FBXO34: variants seen among roughly 807,000 people sequenced by gnomAD.
FBXO34 encodes the protein F-box protein 34.
A neutral mutation model predicts 24.5 loss-of-function variants in FBXO34; 12 were observed. That is an observed-to-expected ratio of 0.49 (90% CI 0.31 to 0.79). The LOEUF is 0.79. Among genes scored for constraint, FBXO34 ranks in the 30% least tolerant of loss-of-function variants. The pLI is 0.04. For missense variants in FBXO34, 823 were observed against 857.7 expected (o/e 0.96, Z 0.51); for synonymous variants, 320 against 311.9 (o/e 1.03, Z -0.27).
the FBXO34 span, among the ~76,000 whole-genome samples, chr14:55,399,109 A>G: frequency 2.0e-5 from 3 of 152,230 alleles, no homozygotes; most frequent in Non-Finnish European, 4.4e-5. Flanking sequence ...ACATACCCCA[A>G]GATGTCTGCT....
At chr14:55,357,352 A>G (rs911394572), downstream of FBXO34, among the ~76,000 whole-genome samples, 4 of 152,234 alleles carry the variant, frequency 2.6e-5, no homozygotes, top group African/African-American at 9.6e-5. Context: ...ATGTTCCTCT[A>G]TCTGCAAAGC....
At chr14:55,395,251 C>T in the FBXO34 span, 45 of 349,510 alleles carry the variant, frequency 1.3e-4, no homozygotes, top group East Asian at 1.6e-3. Context: ...GCAGGGAAGG[C>T]GTGTGCCAAG....
At chr14:55,440,552 G>C in the FBXO34 span, 5 of 1,586,552 alleles carry the variant, frequency 3.2e-6, no homozygotes, top group Non-Finnish European at 3.4e-6. Context: ...CCATTTATGA[G>C]CCTGGGGGCA....
intron 1 of FBXO34, among the ~76,000 whole-genome samples, chr14:55,343,020 A>G (rs72717715): frequency 0.025 from 3,850 of 152,180 alleles, 120 homozygotes; most frequent in African/African-American, 0.067. Flanking sequence ...CTCATTTGTA[A>G]AAACAAGGAT....
At chr14:55,418,389 GT>G in the FBXO34 span, among the ~76,000 whole-genome samples, 3 of 152,178 alleles carry the variant, frequency 2.0e-5, no homozygotes, top group Non-Finnish European at 4.4e-5. Context: ...TTCCAGTTCT[GT>G]TCTTACATCA....
intron 1 of FBXO34, among the ~76,000 whole-genome samples, chr14:55,323,218 A>AAAAATATAT (rs1566555819): frequency 3.2e-5 from 1 of 31,628 alleles, no homozygotes; most frequent in Non-Finnish European, 4.2e-5. Flanking sequence ...AAAAAAAAAA[A>AAAAATATAT]ATATATATTT....
chr14:55,298,725 G>T, intron 1 of FBXO34: 1 of 1,570,894 alleles, frequency 6.4e-7, no homozygotes, highest in East Asian at 2.3e-5. Flanking sequence ...GGACACGGAG[G>T]AGATGTTAAG....
intron 1 of FBXO34, among the ~76,000 whole-genome samples, chr14:55,350,179 CT>C (rs1216064795): frequency 7.0e-6 from 1 of 143,854 alleles, no homozygotes; most frequent in East Asian, 2.1e-4. Context: ...AAAAAAAGTA[CT>C]ACACACCATA....
chr14:55,438,793 AC>A, the FBXO34 span: 1 of 151,288 alleles, frequency 6.6e-6, no homozygotes, highest in Admixed American at 6.6e-5. Context: ...GTATCCACTT[AC>A]CTTTCTCAGA....
chr14:55,309,851 C>T (rs752485245), intron 1 of FBXO34, among the ~76,000 whole-genome samples: 13 of 152,104 alleles, frequency 8.5e-5, no homozygotes, highest in Non-Finnish European at 1.6e-4. Flanking sequence ...TTTGGTGAGC[C>T]TGTTATTCCA....
At chr14:55,366,218 C>T (rs756477709), downstream of FBXO34, among the ~76,000 whole-genome samples, 26 of 152,220 alleles carry the variant, frequency 1.7e-4, no homozygotes, top group Non-Finnish European at 3.4e-4. Context: ...GTTAATACCA[C>T]CATAATCCAT....
intron 1 of FBXO34, among the ~76,000 whole-genome samples, chr14:55,313,342 T>C (rs1287274226): frequency 6.6e-6 from 1 of 152,134 alleles, no homozygotes; most frequent in Non-Finnish European, 1.5e-5. Context: ...TATCAGCATT[T>C]TGGTCAGAGC....
the FBXO34 span, chr14:55,395,900 C>G: frequency 7.0e-7 from 1 of 1,436,968 alleles, no homozygotes; most frequent in Non-Finnish European, 9.3e-7. Flanking sequence ...AACTTAAAAA[C>G]ATGTAGCCTC....
chr14:55,342,145 C>G (rs1052177950), intron 1 of FBXO34, among the ~76,000 whole-genome samples: 2 of 152,196 alleles, frequency 1.3e-5, no homozygotes, highest in Non-Finnish European at 2.9e-5. Context: ...TCCCATCAAA[C>G]TTATCATAGA....
At position 55,275,650 on chromosome 14, in the gene FBXO34, T is replaced by TAAAAA. The variant is rs772731752; in HGVS notation, c.-11+4124_-11+4128dup. Among the ~76,000 whole-genome samples, 9 of 133,948 alleles carry TAAAAA rather than the reference T, an allele frequency of 6.7e-5. No homozygotes were observed. In the South Asian group the frequency reaches 7.1e-4, roughly 11 times the overall value. The allele number at this position is 133,948 out of a possible 152,430, so 87.9% of individuals were successfully genotyped here. A position where few individuals can be genotyped will look rare whatever the true frequency, so the allele number is the denominator to read the frequency against. On this transcript the variant is annotated intron_variant, in intron 1 of 1. Transcript: ENST00000313833. Reference sequence around the variant, plus strand: ...TAACACAGTGGAACCCCATCTCTACTAAAAAAAAAAAAAAATACAAAAAAT... The same window carrying TAAAAA: ...TAACACAGTGGAACCCCATCTCTACTAAAAAAAAAAAAAAAAAAAATACAAAAAAT...
At chr14:55,383,157 C>T in the FBXO34 span, among the ~76,000 whole-genome samples, 1 of 152,184 alleles carries the variant, frequency 6.6e-6, no homozygotes, top group African/African-American at 2.4e-5. Flanking sequence ...CTTACGCACG[C>T]GTCCCATGCC....
chr14:55,405,068 A>C, the FBXO34 span, among the ~76,000 whole-genome samples: 1 of 152,216 alleles, frequency 6.6e-6, no homozygotes, highest in Admixed American at 6.5e-5. Flanking sequence ...AATACCATAA[A>C]CAAACTCCAT....
downstream of FBXO34, chr14:55,366,303 A>C (rs1377199403): frequency 6.6e-6 from 1 of 152,626 alleles, no homozygotes; most frequent in East Asian, 1.9e-4. Flanking sequence ...AATTTGTATA[A>C]AGTACTCCAG....
intron 1 of FBXO34, among the ~76,000 whole-genome samples, chr14:55,311,328 G>C (rs552570544): frequency 6.6e-6 from 1 of 152,340 alleles, no homozygotes; most frequent in Non-Finnish European, 1.5e-5. Context: ...TCTCTCCCTT[G>C]ACATGTGGGG....
Sources: gnomAD v4.1 joint callset for allele counts (sites outside exome capture counted in the v4.1 genomes callset) on GRCh38, gnomAD v4.1.1 for gene constraint, MANE v1.5 for transcripts, NCBI Gene and HGNC (gene_info 2026-07-23, HGNC 2026-07-21) for gene names.